SLC39A11: variants seen among roughly 807,000 people sequenced by gnomAD.
SLC39A11 encodes zinc transporter ZIP11.
In SLC39A11, 33 loss-of-function variants were observed where a neutral mutation model predicts 36.1. The observed-to-expected ratio is 0.91, with a 90% CI of 0.69 to 1.22. The LOEUF (loss-of-function observed/expected upper bound fraction) is 1.22. SLC39A11 is among the 50% of genes most tolerant of loss of function. The pLI is 0.00. For missense variants in SLC39A11, 432 were observed against 430.3 expected (o/e 1.00, Z -0.03); for synonymous variants, 166 against 170.3 (o/e 0.97, Z 0.20).
intron 7 of SLC39A11, among the ~76,000 whole-genome samples, chr17:72,705,055 T>C (rs1262150035): frequency 6.6e-6 from 1 of 152,206 alleles, no homozygotes; most frequent in African/African-American, 2.4e-5. Flanking sequence ...GACCTGATGA[T>C]ATAATTTGAG....
Position 73,088,680 on chromosome 17 carries a change from C to T in SLC39A11, c.85G>A (p.Val29Met), listed in dbSNP as rs766796273. Residue 29 changes from valine (V) to methionine (M), a missense_variant, in exon 2 of 10, where the codon GTG becomes ATG. By Grantham distance (21) the Val-to-Met change is conservative (BLOSUM62 1). Coordinates refer to ENST00000255559, the MANE Select transcript of SLC39A11 (RefSeq NM_139177.4). ...ACCTGTCCACTAGAGAATACGAACA[C>T]GAGAGCTGCCCCAGCTGCTGTCATC... ...WGMTAAGAALVFVFSSGQRRI... is the reference protein window; with the variant it reads ...WGMTAAGAALMFVFSSGQRRI... The T allele has an allele frequency of 1.1e-5, 18 of 1,612,426 alleles. No homozygotes were observed. Among genetic ancestry groups the T allele is most frequent in the African/African-American group, 4.0e-5 (3 of 74,850 alleles).
chr17:72,772,332 A>G (rs540824065), intron 6 of SLC39A11, among the ~76,000 whole-genome samples: 9 of 152,200 alleles, frequency 5.9e-5, no homozygotes, highest in Non-Finnish European at 8.8e-5. Flanking sequence ...CAGTGACTCC[A>G]AGTTTAGCAC....
chr17:72,852,977 C>A (rs2079438022), intron 5 of SLC39A11, among the ~76,000 whole-genome samples: 1 of 151,482 alleles, frequency 6.6e-6, no homozygotes, highest in Non-Finnish European at 1.5e-5. Flanking sequence ...TTGATAGGGG[C>A]CAAAAGAAAA....
chr17:72,689,636 G>A (rs1598352192), intron 7 of SLC39A11, among the ~76,000 whole-genome samples: 1 of 152,306 alleles, frequency 6.6e-6, no homozygotes, highest in East Asian at 1.9e-4. Flanking sequence ...GCTGATCTAT[G>A]CCACAATGCA....
intron 7 of SLC39A11, among the ~76,000 whole-genome samples, chr17:72,674,406 A>G (rs990235263): frequency 1.3e-5 from 2 of 152,168 alleles, no homozygotes; most frequent in African/African-American, 2.4e-5. Context: ...ATACTAATCC[A>G]TGGTGTGGCT....
intron 7 of SLC39A11, among the ~76,000 whole-genome samples, chr17:72,722,881 C>G (rs1227755331): frequency 1.3e-5 from 2 of 152,134 alleles, no homozygotes; most frequent in African/African-American, 2.4e-5. Context: ...AGTGATCCAC[C>G]AGCCTCGACC....
At chr17:73,024,864 AT>A (rs1163840820) in intron 4 of SLC39A11, among the ~76,000 whole-genome samples, 7,162 of 97,750 alleles carry the variant, frequency 0.073, 135 homozygotes, top group African/African-American at 0.12. Flanking sequence ...TGCCCAGCTA[AT>A]TTTTTTTTTT....
intron 6 of SLC39A11, among the ~76,000 whole-genome samples, chr17:72,780,563 T>C (rs2076281296): frequency 6.6e-6 from 1 of 151,854 alleles, no homozygotes; most frequent in African/African-American, 2.4e-5. Flanking sequence ...CTTTGTTATC[T>C]TGAACTTGCT....
intron 6 of SLC39A11, among the ~76,000 whole-genome samples, chr17:72,773,654 C>G (rs540297298): frequency 1.3e-5 from 2 of 150,086 alleles, no homozygotes; most frequent in African/African-American, 5.0e-5. Context: ...TACACACACA[C>G]ACACACACAC....
intron 6 of SLC39A11, among the ~76,000 whole-genome samples, chr17:72,745,736 A>G (rs566659751): frequency 6.6e-6 from 1 of 152,350 alleles, no homozygotes; most frequent in African/African-American, 2.4e-5. Context: ...CAGTTTTAGA[A>G]GTTATAGCCA....
intron 3 of SLC39A11, among the ~76,000 whole-genome samples, chr17:73,077,416 C>T (rs1286004394): frequency 1.4e-4 from 21 of 152,222 alleles, no homozygotes; most frequent in Admixed American, 1.1e-3. Context: ...CTCCCAGGCT[C>T]GAGCAATTCT....
chr17:73,059,314 T>G (rs2059766742), intron 3 of SLC39A11, among the ~76,000 whole-genome samples: 1 of 152,218 alleles, frequency 6.6e-6, no homozygotes, highest in African/African-American at 2.4e-5. Flanking sequence ...TTCTTATGTT[T>G]TCACTAGAAA....
chr17:72,703,130 T>C (rs750768392), intron 7 of SLC39A11, among the ~76,000 whole-genome samples: 5 of 151,940 alleles, frequency 3.3e-5, no homozygotes, highest in Non-Finnish European at 7.4e-5. Flanking sequence ...CCCACTTGGG[T>C]TTATTTTATA....
intron 6 of SLC39A11, among the ~76,000 whole-genome samples, chr17:72,811,495 G>A (rs995544008): frequency 2.8e-4 from 43 of 152,268 alleles, no homozygotes; most frequent in African/African-American, 1.0e-3. Flanking sequence ...AAATCCACCT[G>A]GATCTCAGAA....
intron 5 of SLC39A11, among the ~76,000 whole-genome samples, chr17:72,905,222 T>C (rs1230101017): frequency 1.4e-5 from 2 of 144,698 alleles, no homozygotes. Context: ...ATGATTCTCC[T>C]GGAGAATGAC....
chr17:72,925,604 T>A (rs886167186), intron 5 of SLC39A11, among the ~76,000 whole-genome samples: 7 of 152,224 alleles, frequency 4.6e-5, no homozygotes, highest in Non-Finnish European at 5.9e-5. Flanking sequence ...CCTTAGTAGA[T>A]GTTTATGTCC....
intron 7 of SLC39A11, among the ~76,000 whole-genome samples, chr17:72,724,802 TA>T (rs35176237): frequency 1.7e-3 from 245 of 144,144 alleles, no homozygotes; most frequent in Middle Eastern, 3.5e-3. Flanking sequence ...GCTCAACTGC[TA>T]AAAAAAAAAA....
At chr17:72,680,061 A>G (rs2071446480) in intron 7 of SLC39A11, among the ~76,000 whole-genome samples, 1 of 98,722 alleles carries the variant, frequency 1.0e-5, no homozygotes, top group Admixed American at 1.1e-4. Flanking sequence ...AAAAAAAAAA[A>G]AAAAAAAAAG....
intron 5 of SLC39A11, among the ~76,000 whole-genome samples, chr17:72,941,703 C>T (rs1270590966): frequency 6.6e-6 from 1 of 152,072 alleles, no homozygotes; most frequent in Non-Finnish European, 1.5e-5. Context: ...CACTAACGGT[C>T]TCATGCTGCC....
Sources: gnomAD v4.1 joint callset for allele counts (sites outside exome capture counted in the v4.1 genomes callset) on GRCh38, gnomAD v4.1.1 for gene constraint, MANE v1.5 for transcripts, NCBI Gene and HGNC (gene_info 2026-07-23, HGNC 2026-07-21) for gene names.